Variants in MAST3 observed in about 807,000 individuals in gnomAD.
MAST3 encodes the protein microtubule-associated serine/threonine-protein kinase 3.
A neutral mutation model predicts 127.0 loss-of-function variants in MAST3; 43 were observed. The observed-to-expected ratio is 0.34, with a 90% CI of 0.27 to 0.44. The LOEUF is 0.44. Among genes scored for constraint, MAST3 ranks in the 20% least tolerant of loss-of-function variants. The pLI, the probability that MAST3 is intolerant of heterozygous loss-of-function variation, is 1.00. For missense variants in MAST3, 1,390 were observed against 1,919.1 expected (o/e 0.72, Z 5.15); for synonymous variants, 785 against 809.2 (o/e 0.97, Z 0.51).
rs1209750868 is a variant in MAST3 at position 18,150,677 on chromosome 19, C to T, written c.*951C>T. The T allele has an allele frequency of 1.3e-5, 2 of 152,310 alleles. No individual in the cohort carries two copies. 9.4% of individuals were successfully genotyped at this position (152,310 alleles called of 1,614,324 possible). On this transcript the variant is annotated 3_prime_UTR_variant, in exon 28 of 28. Transcript: ENST00000687212. Reference sequence around the variant, plus strand: ...CATAGCTGCCATGCCCAGGCAGTGCCTGCTCTATATATAGAGTCTGCCTCC... The same window carrying T: ...CATAGCTGCCATGCCCAGGCAGTGCTTGCTCTATATATAGAGTCTGCCTCC...
intron 1 of MAST3, among the ~76,000 whole-genome samples, chr19:18,106,712 C>T (rs1254639489): frequency 2.6e-5 from 4 of 151,770 alleles, no homozygotes; most frequent in Middle Eastern, 3.4e-3. Flanking sequence ...GCTGGAATTA[C>T]AGGCACCCAC....
chr19:18,101,958 G>C (rs529422488), intron 1 of MAST3, among the ~76,000 whole-genome samples: 21 of 128,162 alleles, frequency 1.6e-4, no homozygotes, highest in African/African-American at 6.1e-4. Flanking sequence ...CGTGATCTCC[G>C]CTCATTCCAC....
chr19:18,115,767 G>A (rs1463396008), intron 3 of MAST3, among the ~76,000 whole-genome samples: 4 of 152,206 alleles, frequency 2.6e-5, no homozygotes, highest in African/African-American at 9.7e-5. Flanking sequence ...CAGACACAAG[G>A]GGGTTTACAA....
chr19:18,102,792 C>G (rs1394399259), intron 1 of MAST3, among the ~76,000 whole-genome samples: 3 of 151,628 alleles, frequency 2.0e-5, no homozygotes, highest in African/African-American at 7.3e-5. Flanking sequence ...AACTCTTGAT[C>G]TTAAGTGATC....
At chr19:18,121,302 G>A (rs1249977259) in intron 3 of MAST3, among the ~76,000 whole-genome samples, 6 of 151,904 alleles carry the variant, frequency 3.9e-5, no homozygotes, top group African/African-American at 1.2e-4. Flanking sequence ...GACTACAGGC[G>A]TGCACCACCA....
rs746979708 is a variant in MAST3, at chr19:18,146,959, G to A, written c.3241G>A (p.Ala1081Thr). Residue 1081 changes from alanine to threonine, a missense_variant, in exon 26 of 28, where the codon GCC becomes ACC. Coordinates refer to ENST00000687212, the MANE Select transcript of MAST3 (RefSeq NM_001393504.1). ...IKVGPARKNV[A>T]KGRMARRSKR... ...GGTGGGCCCCGCCCGGAAGAATGTGGCCAAGGGCCGCATGGCACGCAGGAG... is the reference window on the plus strand; with the variant it reads ...GGTGGGCCCCGCCCGGAAGAATGTGACCAAGGGCCGCATGGCACGCAGGAG... The A allele has an allele frequency of 1.3e-6, 2 of 1,562,508 alleles. No homozygotes were observed. The highest frequency in any genetic ancestry group is 1.4e-5 in the African/African-American group (1 of 73,662).
rs543681329 is a variant in MAST3, at chr19:18,133,031, G to A, written c.1571+984G>A. Among the ~76,000 whole-genome samples, 101 of 152,150 alleles carry A rather than the reference G, an allele frequency of 6.6e-4. 1 individual carries two copies. The highest frequency in any genetic ancestry group is 2.3e-3 in the African/African-American group (95 of 41,524). ...GGCAGGAGAATCTCTTGAACCCGGC[G>A]GAGGTTGCAATGAGCCAAGATCGTG... On this transcript the variant is annotated intron_variant, in intron 15 of 27. Coordinates refer to ENST00000687212, the MANE Select transcript of MAST3 (RefSeq NM_001393504.1).
intron 15 of MAST3, 60 bp downstream of exon 15, chr19:18,132,107 C>T (rs368163317): frequency 1.0e-5 from 16 of 1,595,860 alleles, no homozygotes; most frequent in South Asian, 6.8e-5. Flanking sequence ...GGATCAGGGG[C>T]GGGGCCAAAG....
chr19:18,130,471 C>G (rs750095353), intron 13 of MAST3, 23 bp from the exon 14 acceptor site: 22 of 1,572,100 alleles, frequency 1.4e-5, no homozygotes, highest in Non-Finnish European at 5.2e-6. Flanking sequence ...CCGGTCCCAG[C>G]AAGCCTGGCC....
intron 1 of MAST3, among the ~76,000 whole-genome samples, chr19:18,102,742 C>T (rs1488757547): frequency 6.6e-6 from 1 of 151,796 alleles, no homozygotes; most frequent in Non-Finnish European, 1.5e-5. Flanking sequence ...GGCCTCCCAG[C>T]GTGCTGGGAT....
intron 12 of MAST3, 29 bp from the exon 13 acceptor site, chr19:18,128,836 GC>G (rs2040949252): frequency 3.2e-6 from 5 of 1,585,610 alleles, no homozygotes; most frequent in Non-Finnish European, 4.3e-6. Flanking sequence ...CTGCAGCGGG[GC>G]AGGACCCTAA....
intron 21 of MAST3, among the ~76,000 whole-genome samples, chr19:18,143,483 GGA>G (rs1309606711): frequency 1.3e-5 from 2 of 152,128 alleles, no homozygotes; most frequent in African/African-American, 2.4e-5. Flanking sequence ...GGCTGAGGCA[GGA>G]GACTCACTTG....
Position 18,146,979 on chromosome 19 carries a change from C to T in MAST3, c.3261C>T (p.Arg1087=). The part of the protein sequence containing the change: ...RKNVAKGRMA[R]RSKRSRRRET... ...ATGTGGCCAAGGGCCGCATGGCACG[C>T]AGGAGCAAGAGGAGCCGTCGGCGGG... The change falls in exon 26 of 28, where the codon CGC becomes CGT. Residue 1087 remains arginine (R), a synonymous_variant. Coordinates refer to ENST00000687212, the MANE Select transcript of MAST3 (RefSeq NM_001393504.1). The T allele has an allele frequency of 3.2e-6, 5 of 1,567,144 alleles. No individual in the cohort carries two copies. The highest frequency in any genetic ancestry group is 4.3e-6 in the Non-Finnish European group (5 of 1,156,162).
In MAST3 at chr19:18,149,422, C is replaced by T. The variant is rs904622635; in HGVS notation, c.3740C>T (p.Pro1247Leu). Reference protein sequence around the residue: ...PRSPSPLPGHPPAPARSPRLR... With the variant: ...PRSPSPLPGHLPAPARSPRLR... ...TCGCCCTCGCCCCTGCCCGGGCACC[C>T]GCCCGCACCTGCCCGATCCCCGCGG... Residue 1247 changes from proline (P) to leucine (L), a missense_variant, in exon 28 of 28, where the codon CCG becomes CTG. This residue lies in a region of MAST3 where 816 missense variants were observed against 934.1 expected (regional missense o/e 0.87). Coordinates refer to ENST00000687212, the MANE Select transcript of MAST3 (RefSeq NM_001393504.1). This position sits in a 1 kb window ranked among gnomAD's most constrained non-coding sequence, Gnocchi z 5.9. 8.6e-5 allele frequency: 127 copies of T among 1,484,946 alleles called. No individual in the cohort carries two copies. Among genetic ancestry groups the T allele is most frequent in the African/African-American group, 4.4e-4 (30 of 68,540 alleles). The allele number at this position is 1,484,946 out of a possible 1,614,324, so 92.0% of individuals were successfully genotyped here. A position where few individuals can be genotyped will look rare whatever the true frequency, so the allele number is the denominator to read the frequency against.
rs1377667254 is a variant in MAST3, at chr19:18,110,219, G to C, written c.72-433G>C. 1.7e-5 allele frequency: 17 copies of C among 985,348 alleles called. No individual in the cohort carries two copies. Among genetic ancestry groups the C allele is most frequent in the Middle Eastern group, 5.2e-4 (1 of 1,936 alleles). The allele number at this position is 985,348 out of a possible 1,614,324, so 61.0% of individuals were successfully genotyped here. A position where few individuals can be genotyped will look rare whatever the true frequency, so the allele number is the denominator to read the frequency against. On this transcript the variant is annotated intron_variant, in intron 2 of 27. Transcript: ENST00000687212. This position sits in a 1 kb window ranked among gnomAD's most constrained non-coding sequence, Gnocchi z 4.3. ...CAGCCAGGCGTCTGTCCCTGCGTCC[G>C]TGTGTCCGTCCGTCGGTCCGCTCGC...
chr19:18,119,380 G>T (rs1026991157), intron 3 of MAST3, among the ~76,000 whole-genome samples: 1 of 152,198 alleles, frequency 6.6e-6, no homozygotes, highest in Non-Finnish European at 1.5e-5. Flanking sequence ...GAGACAGCCA[G>T]GTGAGCGTGC....
At chr19:18,103,521 G>T (rs896529348) in intron 1 of MAST3, among the ~76,000 whole-genome samples, 4 of 152,024 alleles carry the variant, frequency 2.6e-5, no homozygotes, top group Admixed American at 2.0e-4. Flanking sequence ...CTGGGCGACA[G>T]AGCAAGTCTC....
intron 1 of MAST3, chr19:18,098,966 G>A (rs1244244547): frequency 1.5e-5 from 5 of 340,434 alleles, no homozygotes; most frequent in Non-Finnish European, 2.9e-5. Flanking sequence ...GGGAGCCCTG[G>A]GGTAGAGGAG....
At chr19:18,136,351 T>G (rs2041890693) in intron 18 of MAST3, among the ~76,000 whole-genome samples, 1 of 152,202 alleles carries the variant, frequency 6.6e-6, no homozygotes, top group African/African-American at 2.4e-5. Flanking sequence ...GGGCTTTCTC[T>G]AGGCGGTGTG....
Sources: gnomAD v4.1 joint callset for allele counts (sites outside exome capture counted in the v4.1 genomes callset) on GRCh38, gnomAD v4.1.1 for gene constraint, gnomAD v4.1.1 regional missense constraint, Gnocchi (gnomAD v3.1) non-coding constraint, MANE v1.5 for transcripts, NCBI Gene and HGNC (gene_info 2026-07-23, HGNC 2026-07-21) for gene names.